CSMD3: variants seen among roughly 807,000 people sequenced by gnomAD.
CSMD3 encodes the protein CUB and sushi domain-containing protein 3.
Under a neutral mutation model 435.2 loss-of-function variants are expected in CSMD3, and 177 were observed. The ratio of observed to expected loss-of-function variants is 0.41; its 90% confidence interval spans 0.36 to 0.46. CSMD3 has a LOEUF of 0.46. CSMD3 is among the 20% of genes least tolerant of loss of function. The probability of loss-of-function intolerance (pLI) is 0.34; values close to 1 mark genes in which losing one functional copy is unlikely to be tolerated. For synonymous variants in CSMD3, 1,656 were observed against 1,520.5 expected (o/e 1.09, Z -2.07); for missense variants, 4,265 against 4,504.6 (o/e 0.95, Z 1.52).
intron 6 of CSMD3, among the ~76,000 whole-genome samples, chr8:113,016,602 G>A (rs1447518178): frequency 3.3e-5 from 5 of 151,692 alleles, no homozygotes; most frequent in African/African-American, 9.7e-5. Flanking sequence ...ATAATTATAG[G>A]TAAATCAATA....
At chr8:112,877,275 T>A (rs1226108618) in intron 10 of CSMD3, among the ~76,000 whole-genome samples, 1 of 151,916 alleles carries the variant, frequency 6.6e-6, no homozygotes, top group South Asian at 2.1e-4. Flanking sequence ...TTTCTTTTTT[T>A]TTTTAATTTG....
chr8:112,925,608 G>A (rs1371169149), intron 9 of CSMD3, among the ~76,000 whole-genome samples: 1 of 152,004 alleles, frequency 6.6e-6, no homozygotes, highest in African/African-American at 2.4e-5. Context: ...CCATACCTCA[G>A]TAGAACAATT....
intron 1 of CSMD3, among the ~76,000 whole-genome samples, chr8:113,389,049 C>T (rs1287657716): frequency 1.3e-5 from 2 of 151,172 alleles, no homozygotes; most frequent in East Asian, 3.9e-4. Flanking sequence ...TGTAAAATGA[C>T]ATCTTACAAC....
chr8:113,241,925 A>G (rs1372000017), intron 3 of CSMD3, among the ~76,000 whole-genome samples: 1 of 151,364 alleles, frequency 6.6e-6, no homozygotes, highest in Non-Finnish European at 1.5e-5. Context: ...GTGTGCAAGA[A>G]AACTGTTTAT....
At chr8:113,410,926 AAAG>A (rs1563795310) in intron 1 of CSMD3, among the ~76,000 whole-genome samples, 7 of 150,782 alleles carry the variant, frequency 4.6e-5, no homozygotes, top group African/African-American at 1.7e-4. Flanking sequence ...AGAAAGAAAG[AAAG>A]AAAGAAAGAA....
intron 2 of CSMD3, among the ~76,000 whole-genome samples, chr8:113,281,324 A>G (rs1291487048): frequency 1.3e-5 from 2 of 151,772 alleles, no homozygotes; most frequent in Non-Finnish European, 2.9e-5. Context: ...GTCTATTGGT[A>G]TCTGTTTTAT....
intron 3 of CSMD3, among the ~76,000 whole-genome samples, chr8:113,273,921 T>C (rs2093549755): frequency 6.6e-6 from 1 of 152,122 alleles, no homozygotes; most frequent in Admixed American, 6.6e-5. Context: ...TCCTGTCTTA[T>C]AAATTGGTAG....
At chr8:112,337,758 T>G (rs745427801) in intron 42 of CSMD3, 27 bp from the exon 43 acceptor site, 12 of 1,586,670 alleles carry the variant, frequency 7.6e-6, no homozygotes, top group Admixed American at 3.5e-5. Context: ...GAAAGACATT[T>G]TTTCTTTCCA....
chr8:113,343,934 T>C (rs761060066), intron 1 of CSMD3, among the ~76,000 whole-genome samples: 7 of 152,062 alleles, frequency 4.6e-5, no homozygotes, highest in Non-Finnish European at 1.0e-4. Context: ...ATATAAATAA[T>C]TAGTTGTAAT....
At chr8:112,921,342 C>T (rs971278414) in intron 10 of CSMD3, among the ~76,000 whole-genome samples, 3 of 151,788 alleles carry the variant, frequency 2.0e-5, no homozygotes, top group African/African-American at 7.3e-5. Flanking sequence ...CCTATACAGA[C>T]AGGGTAATTG....
chr8:113,170,362 C>G (rs2092246107), intron 4 of CSMD3, among the ~76,000 whole-genome samples: 1 of 152,136 alleles, frequency 6.6e-6, no homozygotes, highest in Admixed American at 6.6e-5. Context: ...TGAAGTATGA[C>G]TTAGACTCTA....
chr8:113,196,518 C>G (rs1459289521), intron 3 of CSMD3, among the ~76,000 whole-genome samples: 1 of 151,058 alleles, frequency 6.6e-6, no homozygotes, highest in Non-Finnish European at 1.5e-5. Flanking sequence ...GATTTTAGCC[C>G]ACAGTCAGAA....
intron 31 of CSMD3, among the ~76,000 whole-genome samples, chr8:112,477,796 C>T (rs1438523163): frequency 6.6e-6 from 1 of 152,076 alleles, no homozygotes; most frequent in African/African-American, 2.4e-5. Flanking sequence ...CTCGAATATT[C>T]CTTTATAGTA....
intron 13 of CSMD3, among the ~76,000 whole-genome samples, chr8:112,704,053 G>A (rs2076447219): frequency 1.3e-5 from 2 of 152,042 alleles, no homozygotes; most frequent in Admixed American, 6.6e-5. Context: ...TTTACACAGA[G>A]CTAATATAGA....
chr8:112,920,825 A>G (rs529543004), intron 10 of CSMD3, among the ~76,000 whole-genome samples: 1 of 151,670 alleles, frequency 6.6e-6, no homozygotes, highest in Non-Finnish European at 1.5e-5. Flanking sequence ...GCTGTACAAA[A>G]TGTCACTTGC....
chr8:112,838,676 A>G (rs2080096385), intron 11 of CSMD3, among the ~76,000 whole-genome samples: 1 of 151,846 alleles, frequency 6.6e-6, no homozygotes, highest in Admixed American at 6.6e-5. Context: ...TCTAATGCAG[A>G]GAGAGCAAAA....
At chr8:112,289,651 G>T (rs1288974763) in intron 56 of CSMD3, 113 bp from the exon 57 acceptor site, 11 of 698,502 alleles carry the variant, frequency 1.6e-5, no homozygotes, top group Non-Finnish European at 2.5e-5. Flanking sequence ...AACATCTAAA[G>T]CCTCCAGAAA....
chr8:112,736,835 G>T (rs2077195443), intron 13 of CSMD3, among the ~76,000 whole-genome samples: 1 of 151,874 alleles, frequency 6.6e-6, no homozygotes. Flanking sequence ...TTTTCTTAGG[G>T]AACAATGGGA....
At position 112,956,429 on chromosome 8, in the gene CSMD3, T is replaced by C. The variant is rs57058532; in HGVS notation, c.1343-1668A>G. ...AAAATACTTTTTAACAAAATCTGCA[T>C]TTTGTATTTTCTGGCATAATTCTAG... is the stretch of plus-strand genomic sequence containing the variant. On this transcript the variant is annotated intron_variant, in intron 7 of 70. Transcript: ENST00000297405. Among the ~76,000 whole-genome samples the C allele has an allele frequency of 2.9e-3, 449 of 152,224 alleles. 3 individuals carry two copies. The highest frequency in any genetic ancestry group is 1.0e-2 in the African/African-American group (415 of 41,556).
Sources: gnomAD v4.1 joint callset for allele counts (sites outside exome capture counted in the v4.1 genomes callset) on GRCh38, gnomAD v4.1.1 for gene constraint, MANE v1.5 for transcripts, NCBI Gene and HGNC (gene_info 2026-07-23, HGNC 2026-07-21) for gene names.